DRAM1: variants seen among roughly 807,000 people sequenced by gnomAD.
DRAM1 encodes the protein DNA damage regulated autophagy modulator 1, also known as DNA damage-regulated autophagy modulator protein 1.
In DRAM1, 25 loss-of-function variants were observed where a neutral mutation model predicts 28.5. The ratio of observed to expected loss-of-function variants is 0.88; its 90% CI spans 0.64 to 1.23. DRAM1 has a LOEUF of 1.23. Among genes scored for constraint, DRAM1 ranks in the 50% most tolerant of loss-of-function variants. The probability of loss-of-function intolerance (pLI) is 0.00; values close to 1 mark genes in which losing one functional copy is unlikely to be tolerated. For missense variants in DRAM1, 249 were observed against 299.2 expected (o/e 0.83, Z 1.24); for synonymous variants, 113 against 114.2 (o/e 0.99, Z 0.07).
chr12:101,890,885 G>T (rs1203221307), intron 1 of DRAM1, among the ~76,000 whole-genome samples: 2 of 151,752 alleles, frequency 1.3e-5, no homozygotes, highest in African/African-American at 4.8e-5. Flanking sequence ...CGAGTAGCTG[G>T]GACTACAGGC....
At chr12:101,882,530 T>C (rs1872726500) in intron 1 of DRAM1, among the ~76,000 whole-genome samples, 1 of 151,390 alleles carries the variant, frequency 6.6e-6, no homozygotes, top group Non-Finnish European at 1.5e-5. Context: ...TTTCTCCTTG[T>C]AACATTGTTA....
intron 4 of DRAM1, among the ~76,000 whole-genome samples, chr12:101,909,202 A>G (rs61936576): frequency 0.19 from 28,619 of 150,880 alleles, 3,551 homozygotes; most frequent in African/African-American, 0.35. Flanking sequence ...TGGAGGTTGC[A>G]GTGAGCCGAG....
chr12:101,890,957 G>C (rs867975746), intron 1 of DRAM1, among the ~76,000 whole-genome samples: 2 of 151,938 alleles, frequency 1.3e-5, no homozygotes, highest in Non-Finnish European at 2.9e-5. Flanking sequence ...CACCATGTTG[G>C]CCAGGATGGT....
intron 4 of DRAM1, among the ~76,000 whole-genome samples, chr12:101,911,438 A>G (rs915699042): frequency 6.6e-6 from 1 of 152,218 alleles, no homozygotes; most frequent in Non-Finnish European, 1.5e-5. Flanking sequence ...AGAACTCACC[A>G]ACAGCATAAA....
chr12:101,915,518 C>T (rs2121162587), intron 5 of DRAM1, among the ~76,000 whole-genome samples: 1 of 150,532 alleles, frequency 6.6e-6, no homozygotes, highest in Non-Finnish European at 1.5e-5. Flanking sequence ...TGTACTTGGC[C>T]TAGGTGACCA....
chr12:101,920,124 G>A lies in DRAM1; in HGVS notation c.595G>A (p.Val199Ile), dbSNP rs565616480. Residue 199 changes from valine (V) to isoleucine (I), a missense_variant, in exon 6 of 7, where the codon GTA becomes ATA. Physicochemically the swap from Val to Ile is conservative, Grantham distance 29. Around this residue, in one of 3 missense-constraint regions of DRAM1, gnomAD observed 15 missense variants for 39.9 expected, o/e 0.38. Transcript: ENST00000258534. ...ATTGCATTAGGATTATGTATATCACGTAGTGAGTGCGATCTGTGAATGGAC... is the reference window on the plus strand; with the variant it reads ...ATTGCATTAGGATTATGTATATCACATAGTGAGTGCGATCTGTGAATGGAC... ...NPREKDYVYH[V>I]VSAICEWTVA... The A allele has an allele frequency of 8.1e-6, 13 of 1,607,210 alleles. No individual in the cohort carries two copies. The East Asian group carries it at 1.1e-4, about 14-fold the overall frequency.
chr12:101,898,643 C>T (rs981192036), intron 2 of DRAM1, among the ~76,000 whole-genome samples: 3 of 152,176 alleles, frequency 2.0e-5, no homozygotes, highest in Non-Finnish European at 4.4e-5. Context: ...TCGTAAAATG[C>T]AGGTTCCTGG....
chr12:101,880,940 C>T (rs1408021509), intron 1 of DRAM1, among the ~76,000 whole-genome samples: 1 of 152,168 alleles, frequency 6.6e-6, no homozygotes, highest in Non-Finnish European at 1.5e-5. Flanking sequence ...ACACAACAAA[C>T]ATTTGTACTG....
chr12:101,886,197 A>C (rs573989982), intron 1 of DRAM1, among the ~76,000 whole-genome samples: 1 of 152,256 alleles, frequency 6.6e-6, no homozygotes, highest in South Asian at 2.1e-4. Context: ...ATTGTTGACT[A>C]TTTACAATAT....
In DRAM1 at chr12:101,901,348, A is replaced by G; in HGVS notation, c.257A>G (p.Tyr86Cys). 1.9e-6 allele frequency: 3 copies of G among 1,614,156 alleles called. No homozygotes were observed. Among genetic ancestry groups the G allele is most frequent in the Non-Finnish European group, 8.5e-7 (1 of 1,180,022 alleles). Residue 86 changes from tyrosine to cysteine, a missense_variant, in exon 3 of 7, where the codon TAT (tyrosine) becomes TGT (cysteine). Tyr to Cys is a radical substitution (Grantham distance 194). Transcript: ENST00000258534. ...KIVQKQNQTCYFSTPVFNLVS... is the reference protein window; with the variant it reads ...KIVQKQNQTCCFSTPVFNLVS... ...GTACAGAAGCAAAATCAAACCTGCTATTTCAGCACTCCTGTTTTTAACTTG... is the reference window on the plus strand; with the variant it reads ...GTACAGAAGCAAAATCAAACCTGCTGTTTCAGCACTCCTGTTTTTAACTTG...
chr12:101,901,823 G>A (rs1873614576), intron 3 of DRAM1, among the ~76,000 whole-genome samples: 1 of 150,012 alleles, frequency 6.7e-6, no homozygotes, highest in South Asian at 2.1e-4. Flanking sequence ...AGGTTGCAGT[G>A]AGCCGAGATT....
chr12:101,890,651 G>A (rs1873083438), intron 1 of DRAM1, among the ~76,000 whole-genome samples: 1 of 152,106 alleles, frequency 6.6e-6, no homozygotes, highest in African/African-American at 2.4e-5. Flanking sequence ...ATTGCTTGTG[G>A]GTAGTGAGAA....
intron 1 of DRAM1, among the ~76,000 whole-genome samples, chr12:101,884,818 GATACTAAAA>G (rs935623907): frequency 6.6e-6 from 1 of 152,060 alleles, no homozygotes; most frequent in Admixed American, 6.6e-5. Context: ...CTTCAAAAAT[GATACTAAAA>G]ATTAGGAAAA....
Position 101,877,784 on chromosome 12 carries a change from G to A in DRAM1, c.-6G>A, listed in dbSNP as rs201198494. 39 of 1,488,684 alleles carry A rather than the reference G, an allele frequency of 2.6e-5. No homozygotes were observed. In the African/African-American group the frequency reaches 4.5e-4, roughly 17 times the overall value. 92.2% of individuals were successfully genotyped at this position (1,488,684 alleles called of 1,614,324 possible). ...GCAGCACTCCGTCGGCGGCGGCGGC[G>A]GCGCGATGCTGTGCTTCCTGAGGGG... On this transcript the variant is annotated 5_prime_UTR_variant, in exon 1 of 7. Coordinates refer to ENST00000258534, the MANE Select transcript of DRAM1 (RefSeq NM_018370.3). This position sits in a 1 kb window ranked among gnomAD's most constrained non-coding sequence, Gnocchi z 4.1.
intron 1 of DRAM1, among the ~76,000 whole-genome samples, chr12:101,888,573 G>T (rs1307397460): frequency 2.0e-5 from 3 of 152,142 alleles, no homozygotes; most frequent in Non-Finnish European, 4.4e-5. Flanking sequence ...GAGGGTGATG[G>T]ATGGAGTGTT....
intron 1 of DRAM1, among the ~76,000 whole-genome samples, chr12:101,883,475 G>A (rs909850736): frequency 2.0e-5 from 3 of 151,322 alleles, no homozygotes; most frequent in Non-Finnish European, 3.0e-5. Flanking sequence ...CACCACACCT[G>A]GCTAATTTTT....
intron 4 of DRAM1, among the ~76,000 whole-genome samples, chr12:101,911,052 A>G (rs540224835): frequency 3.8e-4 from 58 of 152,110 alleles, no homozygotes; most frequent in African/African-American, 1.3e-3. Context: ...CCTGGCCAAC[A>G]TGGTGAAATC....
chr12:101,884,621 C>T (rs1230630276), intron 1 of DRAM1, among the ~76,000 whole-genome samples: 1 of 152,154 alleles, frequency 6.6e-6, no homozygotes, highest in African/African-American at 2.4e-5. Flanking sequence ...TCTCACTTTC[C>T]ATGTGAATAC....
chr12:101,885,645 G>A (rs11111071), intron 1 of DRAM1, among the ~76,000 whole-genome samples: 1 of 149,764 alleles, frequency 6.7e-6, no homozygotes, highest in Non-Finnish European at 1.5e-5. Flanking sequence ...TCCTGTCTCA[G>A]CCTCCTGAGT....
Sources: gnomAD v4.1 joint callset for allele counts (sites outside exome capture counted in the v4.1 genomes callset) on GRCh38, gnomAD v4.1.1 for gene constraint, gnomAD v4.1.1 regional missense constraint, Gnocchi (gnomAD v3.1) non-coding constraint, MANE v1.5 for transcripts, NCBI Gene and HGNC (gene_info 2026-07-23, HGNC 2026-07-21) for gene names.